The following EPSTI1 variants were observed in gnomAD, a reference collection of about 807,000 sequenced individuals.
EPSTI1 encodes the protein epithelial stromal interaction 1, also known as epithelial-stromal interaction protein 1.
EPSTI1 carries 66 observed loss-of-function variants against 49.9 expected under a neutral mutation model. The observed-to-expected ratio is 1.32, with a 90% CI of 1.08 to 1.62. The LOEUF is 1.62. Among genes scored for constraint, EPSTI1 ranks in the 40% most tolerant of loss-of-function variants. The probability of loss-of-function intolerance (pLI) is 0.00; values close to 1 mark genes in which losing one functional copy is unlikely to be tolerated. For missense variants in EPSTI1, 394 were observed against 365.5 expected (o/e 1.08, Z -0.64); for synonymous variants, 137 against 130.7 (o/e 1.05, Z -0.33).
intron 1 of EPSTI1, 34 bp downstream of exon 1, chr13:42,991,944 T>C (rs1157377553): frequency 6.2e-7 from 1 of 1,610,732 alleles, no homozygotes; most frequent in Non-Finnish European, 8.5e-7. Flanking sequence ...GGGCCCGGGC[T>C]CCCGCCCCGA....
chr13:42,981,748 T>C (rs1400957008), intron 1 of EPSTI1, among the ~76,000 whole-genome samples: 3 of 152,220 alleles, frequency 2.0e-5, no homozygotes, highest in Non-Finnish European at 2.9e-5. Flanking sequence ...AACCCTCTAA[T>C]GGGTTATGAA....
At chr13:42,978,169 G>A (rs916084114) in intron 1 of EPSTI1, among the ~76,000 whole-genome samples, 1 of 151,470 alleles carries the variant, frequency 6.6e-6, no homozygotes, top group Admixed American at 6.6e-5. Context: ...AAAAAAGAAA[G>A]TTTATTTTGC....
At chr13:42,938,962 A>G (rs1201996527) in intron 6 of EPSTI1, among the ~76,000 whole-genome samples, 5 of 148,824 alleles carry the variant, frequency 3.4e-5, no homozygotes, top group African/African-American at 1.2e-4. Flanking sequence ...ACCTTCATCA[A>G]TGATCTTAAC....
intron 10 of EPSTI1, among the ~76,000 whole-genome samples, chr13:42,891,197 T>C (rs1222259925): frequency 3.3e-5 from 5 of 152,246 alleles, no homozygotes; most frequent in Admixed American, 1.3e-4. Context: ...TTTTTTTCTA[T>C]ACGGTCTTTG....
At chr13:42,974,311 G>A (rs1408602074) in intron 1 of EPSTI1, among the ~76,000 whole-genome samples, 2 of 151,576 alleles carry the variant, frequency 1.3e-5, no homozygotes, top group Middle Eastern at 3.4e-3. Flanking sequence ...ACTCCAGCCT[G>A]GCCGATAACA....
chr13:42,940,524 G>A (rs534618667), intron 6 of EPSTI1, among the ~76,000 whole-genome samples: 126 of 152,302 alleles, frequency 8.3e-4, no homozygotes, highest in South Asian at 3.3e-3. Context: ...CTAGAACCTA[G>A]TATAGTGCTT....
In EPSTI1 at chr13:42,888,413, A is replaced by C; in HGVS notation, c.*81T>G. ...AATTAAGGTAAAAACAGTGAGGCTGAACAAAATCACATTAAGAAAAAGCAT... is the reference window on the plus strand; with the variant it reads ...AATTAAGGTAAAAACAGTGAGGCTGCACAAAATCACATTAAGAAAAAGCAT... On this transcript the variant is annotated 3_prime_UTR_variant, in exon 11 of 11. Coordinates refer to ENST00000313624, the MANE Select transcript of EPSTI1 (RefSeq NM_033255.5). 6.2e-7 allele frequency: 1 copy of C among 1,614,174 alleles called. No homozygotes were observed. The highest frequency in any genetic ancestry group is 1.3e-5 in the African/African-American group (1 of 75,048).
At chr13:42,938,931 A>AAAAAAAAAAAAAAAAAC in intron 6 of EPSTI1, among the ~76,000 whole-genome samples, 1 of 150,540 alleles carries the variant, frequency 6.6e-6, no homozygotes, top group Non-Finnish European at 1.5e-5. Context: ...AAAAAAAAAA[A>AAAAAAAAAAAAAAAAAC]ATCTGTTGTT....
chr13:42,988,951 C>T (rs1050492524), intron 1 of EPSTI1, among the ~76,000 whole-genome samples: 5 of 151,944 alleles, frequency 3.3e-5, no homozygotes, highest in Admixed American at 2.6e-4. Flanking sequence ...TCTTGGAGCT[C>T]CTGAGCTCAA....
At chr13:42,957,072 T>C (rs543291034) in intron 5 of EPSTI1, among the ~76,000 whole-genome samples, 1 of 152,190 alleles carries the variant, frequency 6.6e-6, no homozygotes, top group African/African-American at 2.4e-5. Flanking sequence ...AGCCCCAAGT[T>C]AAGTCAGCAG....
Position 42,887,499 on chromosome 13 carries a change from T to G in EPSTI1, c.*995A>C, listed in dbSNP as rs2036897007. On this transcript the variant is annotated 3_prime_UTR_variant, in exon 11 of 11. Transcript: ENST00000313624. ...CAGCTGCAAAGATGATTTGTTGTAT[T>G]TACCTTTATTCTAGGATTGAATGTA... The G allele has an allele frequency of 6.6e-6, 1 of 152,248 alleles. No individual in the cohort carries two copies. The highest frequency in any genetic ancestry group is 6.5e-5 in the Admixed American group (1 of 15,284). 9.4% of individuals were successfully genotyped at this position (152,248 alleles called of 1,614,324 possible). A position where few individuals can be genotyped will look rare whatever the true frequency, so the allele number is the denominator to read the frequency against.
chr13:42,982,979 C>G (rs1400160930), intron 1 of EPSTI1, among the ~76,000 whole-genome samples: 2 of 152,228 alleles, frequency 1.3e-5, no homozygotes, highest in Non-Finnish European at 2.9e-5. Context: ...ACCAATCATA[C>G]TTCTATATAC....
At chr13:42,976,307 T>C (rs574147530) in intron 1 of EPSTI1, among the ~76,000 whole-genome samples, 23 of 152,214 alleles carry the variant, frequency 1.5e-4, no homozygotes, top group Non-Finnish European at 2.4e-4. Context: ...TTACAGCAGA[T>C]AGTAAGTGAG....
At chr13:42,911,318 T>C (rs2037680418) in intron 8 of EPSTI1, among the ~76,000 whole-genome samples, 1 of 151,924 alleles carries the variant, frequency 6.6e-6, no homozygotes, top group South Asian at 2.1e-4. Context: ...CTTTATCAGA[T>C]TGTGACATCA....
chr13:42,989,567 C>CTCTTTTTTT (rs2040150549), intron 1 of EPSTI1, among the ~76,000 whole-genome samples: 1 of 79,022 alleles, frequency 1.3e-5, no homozygotes. Flanking sequence ...CCTCTTTTTT[C>CTCTTTTTTT]TTTTTTTTTT....
At chr13:42,892,796 G>A (rs953383167) in intron 10 of EPSTI1, among the ~76,000 whole-genome samples, 4 of 152,176 alleles carry the variant, frequency 2.6e-5, no homozygotes, top group African/African-American at 9.7e-5. Flanking sequence ...TTCAGAAAGT[G>A]GTCCAAGGTA....
intron 6 of EPSTI1, among the ~76,000 whole-genome samples, chr13:42,941,629 AC>A (rs1267093519): frequency 6.7e-6 from 1 of 150,288 alleles, no homozygotes; most frequent in South Asian, 2.1e-4. Context: ...AAAAAAAAAA[AC>A]AGAAAAAAAA....
chr13:42,963,709 A>G, intron 4 of EPSTI1: 1 of 295,094 alleles, frequency 3.4e-6, no homozygotes, highest in Admixed American at 4.9e-5. Context: ...GGGAATCTTA[A>G]ATATTTTTTG....
chr13:42,985,615 T>C (rs1485990812), intron 1 of EPSTI1, among the ~76,000 whole-genome samples: 1 of 152,216 alleles, frequency 6.6e-6, no homozygotes. Context: ...GAGAAAATCT[T>C]GGACACGAAT....
Sources: allele counts gnomAD v4.1 joint callset (sites outside exome capture counted in the v4.1 genomes callset), GRCh38; gene constraint gnomAD v4.1.1; transcripts MANE v1.5; gene names NCBI Gene and HGNC (gene_info 2026-07-23, HGNC 2026-07-21).